NUBPL: variants seen among roughly 807,000 people sequenced by gnomAD.
NUBPL encodes iron-sulfur cluster transfer protein NUBPL.
NUBPL carries 31 observed loss-of-function variants against 45.7 expected under a neutral mutation model. That is an observed-to-expected ratio of 0.68 (90% CI 0.51 to 0.92). The LOEUF is 0.92. NUBPL is among the 40% of genes least tolerant of loss of function. NUBPL has a pLI of 0.00. For missense variants in NUBPL, 401 were observed against 398.7 expected (o/e 1.01, Z -0.05); for synonymous variants, 144 against 140.9 (o/e 1.02, Z -0.15).
intron 6 of NUBPL, among the ~76,000 whole-genome samples, chr14:31,687,852 C>T (rs1194431982): frequency 6.6e-6 from 1 of 152,152 alleles, no homozygotes; most frequent in Non-Finnish European, 1.5e-5. Context: ...TTGATATGTA[C>T]CATAGAATGA....
At chr14:31,617,012 G>A (rs1278705576) in intron 4 of NUBPL, among the ~76,000 whole-genome samples, 1 of 151,968 alleles carries the variant, frequency 6.6e-6, no homozygotes, top group East Asian at 1.9e-4. Flanking sequence ...TGTATTCCTA[G>A]GTATTTTATG....
rs765894740 is a variant in NUBPL, at chr14:31,835,696, C to T, written c.693+8982C>T. Among the ~76,000 whole-genome samples the T allele has an allele frequency of 3.6e-4, 54 of 152,104 alleles. 1 individual carries two copies. Among genetic ancestry groups the T allele is most frequent in the Non-Finnish European group, 1.2e-4 (8 of 68,024 alleles). On this transcript the variant is annotated intron_variant, in intron 8 of 10. Coordinates refer to ENST00000281081, the MANE Select transcript of NUBPL (RefSeq NM_025152.3). ...CCTGAAAGGAGCATGGACACAGGCC[C>T]CCCCATTCATTGTTCTTTCCATGTC...
intron 7 of NUBPL, among the ~76,000 whole-genome samples, chr14:31,805,136 A>G (rs550728694): frequency 3.9e-5 from 6 of 152,372 alleles, no homozygotes; most frequent in Non-Finnish European, 8.8e-5. Context: ...GAAGGCATGC[A>G]TGCAGCCAAC....
chr14:31,599,822 T>C (rs2034379581), intron 4 of NUBPL, among the ~76,000 whole-genome samples: 1 of 152,178 alleles, frequency 6.6e-6, no homozygotes, highest in Non-Finnish European at 1.5e-5. Flanking sequence ...CTTACCATCA[T>C]GCAATTCAAG....
chr14:31,789,203 G>A (rs563884931), intron 7 of NUBPL, among the ~76,000 whole-genome samples: 1 of 152,240 alleles, frequency 6.6e-6, no homozygotes, highest in African/African-American at 2.4e-5. Flanking sequence ...GCGGGCACCT[G>A]TAGTCCCAGC....
intron 3 of NUBPL, among the ~76,000 whole-genome samples, chr14:31,590,260 T>A (rs983016432): frequency 2.6e-5 from 4 of 152,078 alleles, no homozygotes; most frequent in Non-Finnish European, 5.9e-5. Flanking sequence ...ATCCTTTTTT[T>A]AAAAAAATTA....
intron 4 of NUBPL, among the ~76,000 whole-genome samples, chr14:31,631,328 T>G (rs2035337045): frequency 1.3e-5 from 2 of 152,030 alleles, no homozygotes. Flanking sequence ...AGCTGTTACT[T>G]TTTTTTCCCT....
chr14:31,568,582 C>G (rs2033499705), intron 3 of NUBPL, among the ~76,000 whole-genome samples: 2 of 152,122 alleles, frequency 1.3e-5, no homozygotes, highest in Non-Finnish European at 2.9e-5. Flanking sequence ...ATGATATTAC[C>G]ATCACACTCA....
At position 31,832,176 on chromosome 14, in the gene NUBPL, T is replaced by C. The variant is rs569619011; in HGVS notation, c.693+5462T>C. On this transcript the variant is annotated intron_variant, in intron 8 of 10. Transcript: ENST00000281081. ...TGAACAGATAAGCAGAGTGGCCTTCTTCCATGTAGTCAAGATGTGAAATAT... is the reference window on the plus strand; with the variant it reads ...TGAACAGATAAGCAGAGTGGCCTTCCTCCATGTAGTCAAGATGTGAAATAT... Among the ~76,000 whole-genome samples the C allele has an allele frequency of 1.3e-3, 193 of 152,312 alleles. 3 individuals carry two copies. The highest frequency in any genetic ancestry group is 3.4e-3 in the Middle Eastern group (1 of 294).
intron 6 of NUBPL, among the ~76,000 whole-genome samples, chr14:31,705,660 G>A (rs546602387): frequency 6.6e-6 from 1 of 152,210 alleles, no homozygotes; most frequent in Admixed American, 6.5e-5. Flanking sequence ...GTGCTGATTG[G>A]TGCATTTACA....
chr14:31,684,267 G>A (rs1429489249), intron 6 of NUBPL, among the ~76,000 whole-genome samples: 2 of 152,180 alleles, frequency 1.3e-5, no homozygotes, highest in Non-Finnish European at 2.9e-5. Context: ...AGGAAACCTA[G>A]TGTCATGTAC....
intron 7 of NUBPL, among the ~76,000 whole-genome samples, chr14:31,822,167 T>C (rs1267098123): frequency 1.3e-5 from 2 of 152,160 alleles, no homozygotes; most frequent in Non-Finnish European, 2.9e-5. Flanking sequence ...TAATTGTACA[T>C]TTTAAAATAT....
chr14:31,857,377 A>G (rs924404850), intron 10 of NUBPL, among the ~76,000 whole-genome samples: 1 of 152,188 alleles, frequency 6.6e-6, no homozygotes, highest in African/African-American at 2.4e-5. Flanking sequence ...AGAGGCTGCC[A>G]TGAAGACCTC....
chr14:31,640,875 T>G (rs1262640338), intron 4 of NUBPL, among the ~76,000 whole-genome samples: 2 of 152,286 alleles, frequency 1.3e-5, no homozygotes, highest in African/African-American at 4.8e-5. Context: ...CTTCTAGCTA[T>G]TGTACAATTG....
At chr14:31,716,630 G>A (rs147161911) in intron 6 of NUBPL, among the ~76,000 whole-genome samples, 1 of 152,274 alleles carries the variant, frequency 6.6e-6, no homozygotes, top group Non-Finnish European at 1.5e-5. Flanking sequence ...TTTGAACAGA[G>A]TCTAAAACCT....
chr14:31,785,808 T>C (rs2039273746), intron 6 of NUBPL, among the ~76,000 whole-genome samples: 1 of 152,184 alleles, frequency 6.6e-6, no homozygotes, highest in Admixed American at 6.5e-5. Context: ...TGAATAGATG[T>C]GTTGACATAT....
At chr14:31,852,680 A>G (rs1201619594) in intron 10 of NUBPL, among the ~76,000 whole-genome samples, 2 of 152,176 alleles carry the variant, frequency 1.3e-5, no homozygotes, top group African/African-American at 4.8e-5. Flanking sequence ...AAAAAATAAA[A>G]ATAAAAAAAT....
chr14:31,666,038 A>G (rs1469270025), intron 4 of NUBPL, among the ~76,000 whole-genome samples: 1 of 151,424 alleles, frequency 6.6e-6, no homozygotes, highest in African/African-American at 2.4e-5. Context: ...ATCAGAGACT[A>G]GGATTGTACC....
At chr14:31,785,948 T>G (rs531399336) in intron 6 of NUBPL, among the ~76,000 whole-genome samples, 2 of 152,156 alleles carry the variant, frequency 1.3e-5, no homozygotes, top group African/African-American at 4.8e-5. Context: ...CACTTGAGCC[T>G]AGGAGTTTAA....
Sources: allele counts gnomAD v4.1 joint callset (sites outside exome capture counted in the v4.1 genomes callset), GRCh38; gene constraint gnomAD v4.1.1; transcripts MANE v1.5; gene names NCBI Gene and HGNC (gene_info 2026-07-23, HGNC 2026-07-21).